The following CRY1 variants were observed in gnomAD, a reference collection of about 807,000 sequenced individuals.
CRY1 encodes the protein cryptochrome circadian regulator 1, also known as cryptochrome-1.
Under a neutral mutation model 76.0 loss-of-function variants are expected in CRY1, and 45 were observed. The ratio of observed to expected loss-of-function variants is 0.59; its 90% CI spans 0.47 to 0.76. CRY1 has a LOEUF of 0.76. CRY1 is among the 30% of genes least tolerant of loss of function. The pLI, the probability that CRY1 is intolerant of heterozygous loss-of-function variation, is 0.00. For synonymous variants in CRY1, 248 were observed against 244.0 expected (o/e 1.02, Z -0.15); for missense variants, 587 against 716.4 (o/e 0.82, Z 2.06).
chr12:107,055,904 A>G (rs1952976618), intron 1 of CRY1, among the ~76,000 whole-genome samples: 1 of 152,140 alleles, frequency 6.6e-6, no homozygotes, highest in South Asian at 2.1e-4. Flanking sequence ...ATAAAGCTAA[A>G]TGGGTTTCAA....
rs1593552916 is a variant in CRY1, at chr12:107,093,508, T to C, written c.-547A>G. On this transcript the variant is annotated 5_prime_UTR_variant, in exon 1 of 13. Transcript: ENST00000008527. Reference sequence around the variant, plus strand: ...GGCGGTGGTCGAGGCCGCTGGACGGTTGCCGGCCGGTGACCGGTCCCGAGG... The same window carrying C: ...GGCGGTGGTCGAGGCCGCTGGACGGCTGCCGGCCGGTGACCGGTCCCGAGG... 1 of 152,316 alleles carries C rather than the reference T, an allele frequency of 6.6e-6. No homozygotes were observed. Among genetic ancestry groups the C allele is most frequent in the Admixed American group, 6.5e-5 (1 of 15,306 alleles). 9.4% of individuals were successfully genotyped at this position (152,316 alleles called of 1,614,324 possible). A position where few individuals can be genotyped will look rare whatever the true frequency, so the allele number is the denominator to read the frequency against.
Position 106,997,599 on chromosome 12 carries a change from A to C in CRY1, c.1381T>G (p.Leu461Val). ...GGTTTAGGATAATTAACTCCTATCA[A>C]ACATTTGGCTACCTTTTGGATACCT... The part of the protein sequence containing the change: ...PEGIQKVAKC[L>V]IGVNYPKPMV... Residue 461 changes from leucine to valine, a missense_variant, in exon 9 of 13, where the codon TTG becomes GTG. Coordinates refer to ENST00000008527, the MANE Select transcript of CRY1 (RefSeq NM_004075.5). 1 of 1,614,160 alleles carries C rather than the reference A, an allele frequency of 6.2e-7. No homozygotes were observed. Among genetic ancestry groups the C allele is most frequent in the Non-Finnish European group, 8.5e-7 (1 of 1,179,998 alleles).
At chr12:107,026,157 A>ATATATATATATATTACATATATATAT (rs1160937379) in intron 1 of CRY1, among the ~76,000 whole-genome samples, 1 of 75,704 alleles carries the variant, frequency 1.3e-5, no homozygotes, top group Non-Finnish European at 2.4e-5. Context: ...TATATATATA[A>ATATATATATATATTACATATATATAT]AATATATATA....
rs75546673 is a variant in CRY1, at chr12:107,017,645, C to T, written c.267+4439G>A. 4.7e-3 allele frequency among the ~76,000 whole-genome samples: 716 copies of T among 152,256 alleles called. 7 individuals carry two copies. The highest frequency in any genetic ancestry group is 0.016 in the African/African-American group (673 of 41,532). ...AGGGGAAAAGTAGAAGCTGAAAGGT[C>T]GCTTAAGGCCTAGGATTTGGAATTC... On this transcript the variant is annotated intron_variant, in intron 2 of 12. Transcript: ENST00000008527.
At chr12:107,088,175 T>C (rs772271112) in intron 1 of CRY1, among the ~76,000 whole-genome samples, 1 of 152,194 alleles carries the variant, frequency 6.6e-6, no homozygotes, top group Non-Finnish European at 1.5e-5. Flanking sequence ...TGAGAGGTGT[T>C]TGGAACATGA....
chr12:107,053,471 C>T (rs1952946110), intron 1 of CRY1, among the ~76,000 whole-genome samples: 1 of 152,110 alleles, frequency 6.6e-6, no homozygotes. Flanking sequence ...CATGTGCCAC[C>T]ACACCCGACA....
intron 3 of CRY1, among the ~76,000 whole-genome samples, chr12:107,002,228 G>A (rs1176498386): frequency 1.3e-5 from 2 of 151,928 alleles, no homozygotes; most frequent in African/African-American, 4.8e-5. Flanking sequence ...AAACTTATGA[G>A]AGGAAAAAAC....
intron 1 of CRY1, among the ~76,000 whole-genome samples, chr12:107,060,175 TGA>T (rs1464094768): frequency 2.6e-5 from 4 of 152,206 alleles, no homozygotes; most frequent in Non-Finnish European, 4.4e-5. Flanking sequence ...AACAATTCTA[TGA>T]GATATGTGGT....
intron 1 of CRY1, among the ~76,000 whole-genome samples, chr12:107,042,487 T>C (rs1952809211): frequency 6.6e-6 from 1 of 152,136 alleles, no homozygotes; most frequent in African/African-American, 2.4e-5. Flanking sequence ...GCACATCACT[T>C]CTGTGGCATT....
At chr12:107,067,801 C>T (rs1056810861) in intron 1 of CRY1, among the ~76,000 whole-genome samples, 1 of 152,126 alleles carries the variant, frequency 6.6e-6, no homozygotes, top group Non-Finnish European at 1.5e-5. Flanking sequence ...TTGAAACTGA[C>T]TGAATGATAA....
chr12:107,092,708 C>T (rs1421049436), intron 1 of CRY1, 96 bp downstream of exon 1: 1 of 1,530,834 alleles, frequency 6.5e-7, no homozygotes, highest in Non-Finnish European at 8.9e-7. Flanking sequence ...AAGACAGTCC[C>T]ACGTCTAAAT....
chr12:106,992,747 T>C (rs1453493335), intron 12 of CRY1, 40 bp downstream of exon 12: 3 of 1,472,984 alleles, frequency 2.0e-6, no homozygotes, highest in Non-Finnish European at 1.9e-6. Flanking sequence ...GTTAATTATA[T>C]ACTCTTCTAA....
At chr12:107,041,275 T>C (rs1390933845) in intron 1 of CRY1, among the ~76,000 whole-genome samples, 1 of 152,204 alleles carries the variant, frequency 6.6e-6, no homozygotes, top group Non-Finnish European at 1.5e-5. Flanking sequence ...AATTTATTGT[T>C]ATATTAATGA....
intron 12 of CRY1, 80 bp downstream of exon 12, chr12:106,992,707 T>C: frequency 8.3e-7 from 1 of 1,208,238 alleles, no homozygotes; most frequent in East Asian, 2.4e-5. Context: ...AATAGAGATT[T>C]GCTCCATTTT....
chr12:107,081,940 TG>T (rs1565846909), intron 1 of CRY1, among the ~76,000 whole-genome samples: 2 of 152,058 alleles, frequency 1.3e-5, no homozygotes, highest in African/African-American at 4.8e-5. Flanking sequence ...ATCTGAGTCA[TG>T]GGGACAGACA....
At chr12:107,090,282 G>C (rs1011346933) in intron 1 of CRY1, among the ~76,000 whole-genome samples, 2 of 151,950 alleles carry the variant, frequency 1.3e-5, no homozygotes, top group African/African-American at 4.8e-5. Flanking sequence ...TACTAGAGAC[G>C]GGGTTTTGCC....
intron 1 of CRY1, among the ~76,000 whole-genome samples, chr12:107,062,866 T>C (rs1395792821): frequency 6.6e-6 from 1 of 152,200 alleles, no homozygotes; most frequent in Non-Finnish European, 1.5e-5. Flanking sequence ...TTTCAGTCTT[T>C]TTGGCAAATA....
intron 3 of CRY1, among the ~76,000 whole-genome samples, chr12:107,003,942 A>C (rs550719760): frequency 1.3e-5 from 2 of 150,570 alleles, no homozygotes; most frequent in African/African-American, 2.4e-5. Flanking sequence ...AAGTAGCTGG[A>C]TTACAGGCAC....
intron 3 of CRY1, among the ~76,000 whole-genome samples, chr12:107,002,238 CAAGT>C (rs746720891): frequency 4.9e-4 from 75 of 152,034 alleles, no homozygotes; most frequent in East Asian, 1.4e-3. Context: ...GAGGAAAAAA[CAAGT>C]AAGAGGGGAA....
Sources: allele counts gnomAD v4.1 joint callset (sites outside exome capture counted in the v4.1 genomes callset), GRCh38; gene constraint gnomAD v4.1.1; transcripts MANE v1.5; gene names NCBI Gene and HGNC (gene_info 2026-07-23, HGNC 2026-07-21).